GALNT14: variants seen among roughly 807,000 people sequenced by gnomAD.
GALNT14 encodes polypeptide N-acetylgalactosaminyltransferase 14, also known as UDP-GalNAc:polypeptide N-acetylgalactosaminyltransferase 14.
A neutral mutation model predicts 77.5 loss-of-function variants in GALNT14; 60 were observed. That is an observed-to-expected ratio of 0.77 (90% confidence interval 0.63 to 0.96). The LOEUF (loss-of-function observed/expected upper bound fraction) is 0.96. Ranked by LOEUF, GALNT14 falls within the 40% of genes least tolerant of loss-of-function variation. GALNT14 has a pLI of 0.00. For synonymous variants in GALNT14, 280 were observed against 281.7 expected, an observed-to-expected ratio of 0.99 and a Z score of 0.06; for missense variants, 710 against 731.0, an observed-to-expected ratio of 0.97 and a Z score of 0.33.
intron 9 of GALNT14, among the ~76,000 whole-genome samples, chr2:30,940,509 C>T (rs1170832013): frequency 6.6e-6 from 1 of 152,168 alleles, no homozygotes; most frequent in East Asian, 1.9e-4. Context: ...ACAGAATATG[C>T]CAAACTGTGA....
At position 30,966,264 on chromosome 2, in the gene GALNT14, G is replaced by A; in HGVS notation, c.338C>T (p.Thr113Ile). Residue 113 changes from threonine (T) to isoleucine (I), a missense_variant, in exon 3 of 15, where the codon ACT (threonine) becomes ATT (isoleucine). Physicochemically the swap from Thr to Ile is moderately conservative, Grantham distance 89 (BLOSUM62 -1). Coordinates refer to ENST00000349752, the MANE Select transcript of GALNT14 (RefSeq NM_024572.4). The part of the protein sequence containing the change: ...LLVYCTDLPP[T>I]SIIITFHNEA... ...GTTGTGGAAGGTGATGATGATGCTAGTGGGTGGAAGGTCCGTGCAATACAC... is the reference window on the plus strand; with the variant it reads ...GTTGTGGAAGGTGATGATGATGCTAATGGGTGGAAGGTCCGTGCAATACAC... 6.2e-7 allele frequency: 1 copy of A among 1,614,054 alleles called. No homozygotes were observed. Among genetic ancestry groups the A allele is most frequent in the Non-Finnish European group, 8.5e-7 (1 of 1,179,950 alleles).
chr2:31,116,826 C>G (rs1678128534), intron 1 of GALNT14, among the ~76,000 whole-genome samples: 1 of 152,124 alleles, frequency 6.6e-6, no homozygotes, highest in Non-Finnish European at 1.5e-5. Flanking sequence ...AGGCAGATCA[C>G]CTGAGGTCAG....
the GALNT14 span, among the ~76,000 whole-genome samples, chr2:30,904,351 G>A: frequency 5.9e-5 from 9 of 152,308 alleles, no homozygotes; most frequent in South Asian, 2.1e-4. Context: ...CAGTGGCTGC[G>A]TGCACTGTGT....
chr2:31,097,986 C>T (rs565728249), intron 1 of GALNT14, among the ~76,000 whole-genome samples: 1 of 152,256 alleles, frequency 6.6e-6, no homozygotes, highest in South Asian at 2.1e-4. Context: ...TCCACCTCCA[C>T]CATTTTGTGC....
chr2:31,105,143 G>A (rs1195874961), intron 1 of GALNT14, among the ~76,000 whole-genome samples: 2 of 152,112 alleles, frequency 1.3e-5, no homozygotes, highest in Admixed American at 6.5e-5. Context: ...ACTTGTCTAT[G>A]TATCTATTCA....
At chr2:31,017,063 A>C (rs918534183) in intron 1 of GALNT14, among the ~76,000 whole-genome samples, 1 of 152,232 alleles carries the variant, frequency 6.6e-6, no homozygotes, top group Non-Finnish European at 1.5e-5. Context: ...AAAGCTAGCT[A>C]TGGCAGACTT....
chr2:31,129,363 A>T (rs1387249524), intron 1 of GALNT14: 1 of 984,998 alleles, frequency 1.0e-6, no homozygotes, highest in African/African-American at 1.7e-5. Context: ...AGTGGTGGGG[A>T]AAAAAGCTAC....
chr2:30,908,466 A>C (rs1176313049), downstream of GALNT14, among the ~76,000 whole-genome samples: 1 of 143,462 alleles, frequency 7.0e-6, no homozygotes, highest in African/African-American at 2.6e-5. Context: ...CAATTGCTTC[A>C]AAGAGAATAA....
chr2:31,110,837 T>A (rs1438078485), intron 1 of GALNT14, among the ~76,000 whole-genome samples: 3 of 152,116 alleles, frequency 2.0e-5, no homozygotes, highest in African/African-American at 7.2e-5. Context: ...AGGCACTAGA[T>A]TCACGTGAAA....
intron 1 of GALNT14, among the ~76,000 whole-genome samples, chr2:31,114,263 T>C (rs1677986547): frequency 6.8e-6 from 1 of 148,062 alleles, no homozygotes; most frequent in South Asian, 2.1e-4. Flanking sequence ...GGTCCTAAGC[T>C]GCAACAAGTG....
chr2:30,976,569 C>A (rs1225688298), intron 2 of GALNT14, among the ~76,000 whole-genome samples: 1 of 151,818 alleles, frequency 6.6e-6, no homozygotes, highest in African/African-American at 2.4e-5. Context: ...TTAGCCGGTA[C>A]CAAGCACCAC....
chr2:31,028,514 C>A (rs959222721), intron 1 of GALNT14, among the ~76,000 whole-genome samples: 3 of 152,242 alleles, frequency 2.0e-5, no homozygotes, highest in Non-Finnish European at 4.4e-5. Context: ...GGGCTCCCTC[C>A]ATCTCAGCTA....
intron 1 of GALNT14, among the ~76,000 whole-genome samples, chr2:31,082,349 C>T (rs1410362027): frequency 6.6e-6 from 1 of 152,232 alleles, no homozygotes; most frequent in Non-Finnish European, 1.5e-5. Context: ...CAACTCTTGT[C>T]TCTTGCAGAA....
intron 1 of GALNT14, among the ~76,000 whole-genome samples, chr2:31,010,014 C>T (rs900523288): frequency 4.6e-5 from 7 of 152,212 alleles, no homozygotes; most frequent in Non-Finnish European, 1.0e-4. Context: ...TAGACATAGT[C>T]TTGCTCTGTC....
the GALNT14 span, among the ~76,000 whole-genome samples, chr2:30,895,185 C>G: frequency 1.3e-5 from 2 of 152,166 alleles, no homozygotes; most frequent in Non-Finnish European, 2.9e-5. Context: ...TATTCAGGTT[C>G]AATTTGACAA....
intron 2 of GALNT14, among the ~76,000 whole-genome samples, chr2:30,982,877 A>G (rs1573088594): frequency 6.6e-6 from 1 of 152,346 alleles, no homozygotes; most frequent in Middle Eastern, 3.4e-3. Context: ...TGGTTGTGCA[A>G]GAAGATTTCA....
chr2:30,952,626 G>A (rs1324810423), intron 6 of GALNT14, among the ~76,000 whole-genome samples: 1 of 114,924 alleles, frequency 8.7e-6, no homozygotes, highest in Non-Finnish European at 1.7e-5. Context: ...GGGGGGAGGG[G>A]GGAGGGATAG....
intron 8 of GALNT14, among the ~76,000 whole-genome samples, chr2:30,943,848 A>G (rs1666523878): frequency 6.6e-6 from 1 of 152,182 alleles, no homozygotes; most frequent in South Asian, 2.1e-4. Context: ...GTCCTACCCC[A>G]CAGTAGAGTT....
intron 2 of GALNT14, among the ~76,000 whole-genome samples, chr2:30,985,403 A>G (rs1170697243): frequency 6.6e-6 from 1 of 152,098 alleles, no homozygotes; most frequent in African/African-American, 2.4e-5. Context: ...TCAGGAGATC[A>G]AGACTGGGGA....
Sources: gnomAD v4.1 joint callset for allele counts (sites outside exome capture counted in the v4.1 genomes callset) on GRCh38, gnomAD v4.1.1 for gene constraint, MANE v1.5 for transcripts, NCBI Gene and HGNC (gene_info 2026-07-23, HGNC 2026-07-21) for gene names.